The following ATP8A2 variants were observed in gnomAD, a reference collection of about 807,000 sequenced individuals.
ATP8A2 encodes the protein ATPase phospholipid transporting 8A2.
ATP8A2 carries 100 observed loss-of-function variants against 165.6 expected under a neutral mutation model. That is an observed-to-expected ratio of 0.60 (90% CI 0.51 to 0.71). The LOEUF is 0.71. Ranked by LOEUF, ATP8A2 falls within the 30% of genes least tolerant of loss-of-function variation. The probability of loss-of-function intolerance (pLI) is 0.00; values close to 1 mark genes in which losing one functional copy is unlikely to be tolerated. For missense variants in ATP8A2, 1,227 were observed against 1,479.5 expected (o/e 0.83, Z 2.80); for synonymous variants, 543 against 548.8 (o/e 0.99, Z 0.15).
At chr13:25,462,036 C>T (rs1262590128) in intron 1 of ATP8A2, among the ~76,000 whole-genome samples, 2 of 152,176 alleles carry the variant, frequency 1.3e-5, no homozygotes, top group Non-Finnish European at 2.9e-5. Flanking sequence ...GCCTGCTTAC[C>T]TAAGCTCACA....
intron 1 of ATP8A2, 105 bp from the exon 2 acceptor site, chr13:25,468,872 T>A: frequency 6.5e-7 from 1 of 1,541,290 alleles, no homozygotes; most frequent in East Asian, 2.4e-5. Flanking sequence ...CACCCGAGCA[T>A]CCTTCCCCGC....
chr13:25,961,148 G>A (rs1431063424), intron 33 of ATP8A2, among the ~76,000 whole-genome samples: 1 of 152,186 alleles, frequency 6.6e-6, no homozygotes, highest in Non-Finnish European at 1.5e-5. Context: ...GTACCAAGTA[G>A]CGATGACATG....
At chr13:25,655,039 A>C (rs1432806863) in intron 24 of ATP8A2, among the ~76,000 whole-genome samples, 1 of 152,184 alleles carries the variant, frequency 6.6e-6, no homozygotes, top group Non-Finnish European at 1.5e-5. Context: ...GTTTTTTTAC[A>C]AGTGGTTGGT....
chr13:25,873,504 C>T (rs1431861460), intron 33 of ATP8A2, among the ~76,000 whole-genome samples: 2 of 152,178 alleles, frequency 1.3e-5, no homozygotes, highest in Non-Finnish European at 2.9e-5. Context: ...ATGTAAGTGA[C>T]AATTTCTAAG....
chr13:25,838,249 T>C (rs1448231990), intron 29 of ATP8A2, among the ~76,000 whole-genome samples: 1 of 152,212 alleles, frequency 6.6e-6, no homozygotes, highest in Non-Finnish European at 1.5e-5. Flanking sequence ...AGGGCCTTTC[T>C]TCTGAGCCAG....
chr13:25,657,040 G>A (rs61947305), intron 24 of ATP8A2, among the ~76,000 whole-genome samples: 5,308 of 103,234 alleles, frequency 0.051, 168 homozygotes, highest in Middle Eastern at 0.21. Flanking sequence ...GTGACAGATC[G>A]AGACTCTGTC....
chr13:25,537,255 T>C (rs528670848), intron 6 of ATP8A2, among the ~76,000 whole-genome samples: 2 of 152,306 alleles, frequency 1.3e-5, no homozygotes, highest in East Asian at 3.9e-4. Flanking sequence ...ATGTGGTATA[T>C]TTCCAGGGGG....
At chr13:25,658,593 C>T (rs1423752311) in intron 24 of ATP8A2, among the ~76,000 whole-genome samples, 6 of 152,152 alleles carry the variant, frequency 3.9e-5, no homozygotes, top group Non-Finnish European at 5.9e-5. Context: ...GAGCAGAGAT[C>T]GCACCATTGC....
intron 2 of ATP8A2, 73 bp downstream of exon 2, chr13:25,469,194 G>A: frequency 6.5e-7 from 1 of 1,546,446 alleles, no homozygotes; most frequent in Non-Finnish European, 8.7e-7. Flanking sequence ...CTCCTGCGCG[G>A]GGCTTGGCCG....
In ATP8A2 at chr13:25,667,641, C is replaced by CTTT. The variant is rs58560172; in HGVS notation, c.2212-31523_2212-31521dup. 3.3e-5 allele frequency among the ~76,000 whole-genome samples: 5 copies of CTTT among 150,568 alleles called. No individual in the cohort carries two copies. The East Asian group carries it at 7.8e-4, about 23-fold the overall frequency. ...GCGAAACTGTGGCCTAGATAAGCCT[C>CTTT]TTTTTTTTTTTATAAATTACCCAGT... On this transcript the variant is annotated intron_variant, in intron 24 of 36. Transcript: ENST00000381655.
intron 23 of ATP8A2, among the ~76,000 whole-genome samples, chr13:25,587,707 A>G (rs1179522272): frequency 1.3e-5 from 2 of 152,236 alleles, no homozygotes; most frequent in Non-Finnish European, 2.9e-5. Flanking sequence ...GGAAATGATT[A>G]AAGTTGCAAT....
At chr13:25,457,184 T>C (rs926074600) in intron 1 of ATP8A2, among the ~76,000 whole-genome samples, 1 of 152,178 alleles carries the variant, frequency 6.6e-6, no homozygotes, top group African/African-American at 2.4e-5. Flanking sequence ...CTACCACCGC[T>C]AAAGCCTGTG....
intron 24 of ATP8A2, 79 bp downstream of exon 24, chr13:25,589,778 G>T: frequency 1.1e-6 from 1 of 874,842 alleles, no homozygotes; most frequent in Non-Finnish European, 1.8e-6. Flanking sequence ...TGATAATCAG[G>T]GATCATGTTT....
chr13:25,957,418 A>G (rs1348888325), intron 33 of ATP8A2, among the ~76,000 whole-genome samples: 1 of 152,238 alleles, frequency 6.6e-6, no homozygotes, highest in Non-Finnish European at 1.5e-5. Context: ...CAAATTTACA[A>G]GGAAAAAACA....
chr13:25,589,463 A>G (rs2040009796), intron 23 of ATP8A2, among the ~76,000 whole-genome samples, 172 bp from the exon 24 acceptor site: 2 of 152,226 alleles, frequency 1.3e-5, no homozygotes, highest in Non-Finnish European at 2.9e-5. Flanking sequence ...AACTAGTTCT[A>G]TTCAATCTGT....
chr13:25,629,746 A>G (rs1434075351), intron 24 of ATP8A2, among the ~76,000 whole-genome samples: 1 of 152,128 alleles, frequency 6.6e-6, no homozygotes, highest in Non-Finnish European at 1.5e-5. Context: ...ACTGTGTTAG[A>G]TCAGCGTCGC....
intron 25 of ATP8A2, among the ~76,000 whole-genome samples, chr13:25,758,091 G>C (rs752783022): frequency 1.3e-5 from 2 of 152,184 alleles, no homozygotes; most frequent in Non-Finnish European, 2.9e-5. Flanking sequence ...ACTCTTTACT[G>C]AATAGCTACC....
intron 25 of ATP8A2, among the ~76,000 whole-genome samples, chr13:25,708,358 A>T (rs1230758319): frequency 6.6e-6 from 1 of 152,218 alleles, no homozygotes; most frequent in Admixed American, 6.5e-5. Context: ...TTTCATTAAT[A>T]CAAGAATGTG....
intron 2 of ATP8A2, among the ~76,000 whole-genome samples, chr13:25,481,947 A>G (rs1318804179): frequency 6.6e-6 from 1 of 152,078 alleles, no homozygotes; most frequent in Non-Finnish European, 1.5e-5. Flanking sequence ...ATCCCATCAC[A>G]TTGGGGGTTA....
Sources: gnomAD v4.1 joint callset for allele counts (sites outside exome capture counted in the v4.1 genomes callset) on GRCh38, gnomAD v4.1.1 for gene constraint, MANE v1.5 for transcripts, NCBI Gene and HGNC (gene_info 2026-07-23, HGNC 2026-07-21) for gene names.